The following MYO18B variants were observed in gnomAD, a reference collection of about 807,000 sequenced individuals.
MYO18B encodes the protein myosin XVIIIB, also known as unconventional myosin-XVIIIb.
A neutral mutation model predicts 273.0 loss-of-function variants in MYO18B; 204 were observed. That is an observed-to-expected ratio of 0.75 (90% CI 0.67 to 0.84). The LOEUF is 0.84. Ranked by LOEUF, MYO18B falls within the 40% of genes least tolerant of loss-of-function variation. MYO18B has a pLI of 0.00. For synonymous variants in MYO18B, 1,330 were observed against 1,305.7 expected (o/e 1.02, Z -0.40); for missense variants, 3,212 against 3,287.6 (o/e 0.98, Z 0.56).
chr22:25,890,484 A>C (rs1201244657), intron 25 of MYO18B, among the ~76,000 whole-genome samples: 1 of 152,262 alleles, frequency 6.6e-6, no homozygotes, highest in African/African-American at 2.4e-5. Flanking sequence ...ATCCTCAAAA[A>C]TAATGATGTA....
Position 25,828,806 on chromosome 22 carries a change from C to A in MYO18B, c.2817C>A (p.Ala939=), listed in dbSNP as rs1024182806. The A allele has an allele frequency of 1.2e-6, 2 of 1,613,772 alleles. No individual in the cohort carries two copies. The highest frequency in any genetic ancestry group is 2.7e-5 in the African/African-American group (2 of 74,930). The change falls in exon 15 of 44, where the codon GCC becomes GCA. Residue 939 remains alanine (A), a synonymous_variant. Transcript: ENST00000335473. ...RSFSSHHLSM[A]SIMVVDSPGF... Reference sequence around the variant, plus strand: ...TTTCCTCCCACCATCTCTCCATGGCCTCCATCATGGTGGTGGACTCTCCAG... The same window carrying A: ...TTTCCTCCCACCATCTCTCCATGGCATCCATCATGGTGGTGGACTCTCCAG...
intron 3 of MYO18B, among the ~76,000 whole-genome samples, chr22:25,766,597 T>C (rs1228836872): frequency 6.6e-6 from 1 of 152,002 alleles, no homozygotes; most frequent in Non-Finnish European, 1.5e-5. Context: ...GAGCTGGGTA[T>C]AGAAGATGAG....
intron 22 of MYO18B, 83 bp from the exon 23 acceptor site, chr22:25,874,203 G>T: frequency 6.5e-7 from 1 of 1,535,716 alleles, no homozygotes; most frequent in Admixed American, 1.8e-5. Context: ...TGCAAGAGAA[G>T]TGGGGTCTGA....
At chr22:25,771,037 C>T in intron 6 of MYO18B, 53 bp downstream of exon 6, 3 of 1,247,024 alleles carry the variant, frequency 2.4e-6, no homozygotes, top group Non-Finnish European at 3.4e-6. Context: ...CCCACTTCAC[C>T]CCAGCTCCAT....
chr22:25,912,743 G>A (rs1049864267), intron 33 of MYO18B, among the ~76,000 whole-genome samples: 4 of 152,148 alleles, frequency 2.6e-5, no homozygotes, highest in South Asian at 2.1e-4. Context: ...TCTTTATGTC[G>A]CTTCCTAATC....
chr22:26,006,980 G>A (rs1934484364), intron 42 of MYO18B, among the ~76,000 whole-genome samples: 1 of 152,194 alleles, frequency 6.6e-6, no homozygotes, highest in African/African-American at 2.4e-5. Context: ...CTCCTGCAGT[G>A]GCCCCTCAGG....
chr22:25,911,780 T>C (rs2092163871), intron 33 of MYO18B, among the ~76,000 whole-genome samples: 1 of 152,166 alleles, frequency 6.6e-6, no homozygotes, highest in African/African-American at 2.4e-5. Flanking sequence ...CTTCCCTCAC[T>C]ACTGAGAACT....
chr22:25,928,714 C>T (rs569380445), intron 34 of MYO18B, among the ~76,000 whole-genome samples: 1 of 152,274 alleles, frequency 6.6e-6, no homozygotes, highest in East Asian at 1.9e-4. Flanking sequence ...CTGCCAATGA[C>T]ACTTACCTTG....
chr22:25,921,951 C>T (rs1032421387), intron 34 of MYO18B, among the ~76,000 whole-genome samples: 15 of 151,980 alleles, frequency 9.9e-5, no homozygotes, highest in African/African-American at 3.1e-4. Flanking sequence ...GTTATACAAA[C>T]GTTGGCAGTT....
intron 25 of MYO18B, 44 bp downstream of exon 25, chr22:25,878,092 G>A (rs2091250577): frequency 6.9e-7 from 1 of 1,444,858 alleles, no homozygotes. Context: ...GGGTCTTTAT[G>A]TATGTGAGAT....
intron 11 of MYO18B, among the ~76,000 whole-genome samples, chr22:25,797,460 C>G (rs1163306379): frequency 6.6e-6 from 1 of 152,164 alleles, no homozygotes; most frequent in Non-Finnish European, 1.5e-5. Context: ...CCATGATTCT[C>G]TGCATAGACC....
intron 34 of MYO18B, among the ~76,000 whole-genome samples, chr22:25,923,412 A>T (rs2146456207): frequency 6.6e-6 from 1 of 152,306 alleles, no homozygotes; most frequent in Admixed American, 6.5e-5. Flanking sequence ...CCTGTGCTTG[A>T]ACGCATTGCC....
intron 12 of MYO18B, among the ~76,000 whole-genome samples, chr22:25,813,478 G>C (rs1459161262): frequency 6.6e-6 from 1 of 152,188 alleles, no homozygotes. Context: ...CTGGGGGCAA[G>C]AATTCTGGGC....
At chr22:26,060,262 C>T in the MYO18B span, among the ~76,000 whole-genome samples, 20 of 152,336 alleles carry the variant, frequency 1.3e-4, no homozygotes, top group Non-Finnish European at 2.5e-4. Context: ...ATTTGAGTAG[C>T]TGCAGCAGAG....
Position 25,919,678 on chromosome 22 carries a change from A to ATGTGTGTG in MYO18B, c.5365-1555_5365-1548dup, listed in dbSNP as rs35856330. On this transcript the variant is annotated intron_variant, in intron 33 of 43. Coordinates refer to ENST00000335473, the MANE Select transcript of MYO18B (RefSeq NM_032608.7). ...TCAGCAGGTGAGATTGTGTGTGTGT[A>ATGTGTGTG]TGTGTGTGTGTGTGTGTGTGTGTGT... Among the ~76,000 whole-genome samples, 509 of 148,090 alleles carry ATGTGTGTG rather than the reference A, an allele frequency of 3.4e-3. 3 individuals carry two copies. The highest frequency in any genetic ancestry group is 0.012 in the African/African-American group (482 of 40,422).
At chr22:26,042,436 CTGTT>C in the MYO18B span, among the ~76,000 whole-genome samples, 3 of 152,356 alleles carry the variant, frequency 2.0e-5, no homozygotes, top group African/African-American at 7.2e-5. Flanking sequence ...TTCTTAAAGA[CTGTT>C]TGGGGGAGCC....
intron 33 of MYO18B, 110 bp from the exon 34 acceptor site, chr22:25,921,147 C>T (rs1269349779): frequency 2.8e-5 from 31 of 1,120,454 alleles, no homozygotes; most frequent in Non-Finnish European, 3.5e-5. Context: ...CAAGGTCACA[C>T]GGTGTGAGTG....
At chr22:26,002,413 C>T (rs1302546017) in intron 40 of MYO18B, among the ~76,000 whole-genome samples, 4 of 152,152 alleles carry the variant, frequency 2.6e-5, no homozygotes, top group Non-Finnish European at 5.9e-5. Flanking sequence ...TGGTCACTGC[C>T]TGGACAAATG....
chr22:25,758,680 G>T (rs2086204491), intron 1 of MYO18B, among the ~76,000 whole-genome samples: 1 of 152,080 alleles, frequency 6.6e-6, no homozygotes. Context: ...GTAGATTTGT[G>T]GTTGCCTGGG....
Sources: gnomAD v4.1 joint callset for allele counts (sites outside exome capture counted in the v4.1 genomes callset) on GRCh38, gnomAD v4.1.1 for gene constraint, MANE v1.5 for transcripts, NCBI Gene and HGNC (gene_info 2026-07-23, HGNC 2026-07-21) for gene names.